The following SUMF1 variants were observed in gnomAD, a reference collection of about 807,000 sequenced individuals.
SUMF1 encodes sulfatase modifying factor 1, also known as formylglycine-generating enzyme.
In SUMF1, 48 loss-of-function variants were observed where a neutral mutation model predicts 47.6. That is an observed-to-expected ratio of 1.01 (90% CI 0.80 to 1.28). SUMF1 has a LOEUF of 1.28. SUMF1 is among the 50% of genes most tolerant of loss of function. The probability of loss-of-function intolerance (pLI) is 0.00; values close to 1 mark genes in which losing one functional copy is unlikely to be tolerated. For synonymous variants in SUMF1, 230 were observed against 192.1 expected (o/e 1.20, Z -1.63); for missense variants, 571 against 485.4 (o/e 1.18, Z -1.66).
intron 8 of SUMF1, among the ~76,000 whole-genome samples, chr3:4,278,824 A>T (rs1697471968): frequency 1.3e-5 from 2 of 152,266 alleles, no homozygotes; most frequent in East Asian, 1.9e-4. Flanking sequence ...TTTATTTATA[A>T]TGGTGGAACA....
chr3:4,142,075 G>A (rs1175015960), intron 8 of SUMF1, among the ~76,000 whole-genome samples: 2 of 152,016 alleles, frequency 1.3e-5, no homozygotes, highest in African/African-American at 2.4e-5. Context: ...GTATCTCCAG[G>A]GTATTCTAAT....
At chr3:4,251,629 A>G (rs565763008) in intron 8 of SUMF1, among the ~76,000 whole-genome samples, 19 of 152,190 alleles carry the variant, frequency 1.2e-4, no homozygotes, top group Admixed American at 7.9e-4. Context: ...AGTGACCTCC[A>G]TCCTGGTGAA....
At chr3:4,313,315 T>C in intron 8 of SUMF1, 1 of 1,614,032 alleles carries the variant, frequency 6.2e-7, no homozygotes, top group Non-Finnish European at 8.5e-7. Flanking sequence ...CGACTCCAAT[T>C]ACATTATAGC....
At chr3:4,364,186 T>C (rs566664988) in intron 8 of SUMF1, among the ~76,000 whole-genome samples, 2 of 142,018 alleles carry the variant, frequency 1.4e-5, no homozygotes, top group South Asian at 2.4e-4. Flanking sequence ...TAAAATTCTC[T>C]TTCTTGGTTG....
At chr3:4,230,581 A>T (rs1212917147) in intron 8 of SUMF1, among the ~76,000 whole-genome samples, 1 of 152,108 alleles carries the variant, frequency 6.6e-6, no homozygotes. Context: ...CCACCTTCCC[A>T]GCACCTCAAC....
chr3:4,198,643 G>A lies in SUMF1; in HGVS notation c.1015-129898C>T, dbSNP rs1574970994. Among the ~76,000 whole-genome samples, 3 of 152,068 alleles carry A rather than the reference G, an allele frequency of 2.0e-5. No individual in the cohort carries two copies. In the South Asian group the frequency reaches 6.2e-4, roughly 32 times the overall value. ...AAAAAGAAGACATTTTAATTAATAT[G>A]CCTCCCTGTAGCTTTGCCTTTCTTC... On this transcript the variant is annotated intron_variant and NMD_transcript_variant, in intron 8 of 12. Transcript: ENST00000448413.
chr3:4,153,788 G>A (rs1402302681), intron 8 of SUMF1, among the ~76,000 whole-genome samples: 1 of 151,338 alleles, frequency 6.6e-6, no homozygotes, highest in Non-Finnish European at 1.5e-5. Flanking sequence ...TGATTGTATA[G>A]AAATTATTGT....
chr3:4,179,240 CA>C (rs1695039050), intron 8 of SUMF1, among the ~76,000 whole-genome samples: 2 of 152,040 alleles, frequency 1.3e-5, no homozygotes, highest in African/African-American at 4.8e-5. Context: ...CAAGCCTAAG[CA>C]AAAAGAACAA....
intron 8 of SUMF1, among the ~76,000 whole-genome samples, chr3:4,218,306 T>TA (rs1307299210): frequency 1.1e-4 from 17 of 152,044 alleles, no homozygotes; most frequent in South Asian, 4.1e-4. Flanking sequence ...TAATATGTAA[T>TA]AAAAAAATGA....
intron 8 of SUMF1, chr3:4,316,603 G>A (rs531154693): frequency 8.6e-5 from 134 of 1,551,262 alleles, no homozygotes; most frequent in East Asian, 8.3e-4. Flanking sequence ...CAAAAAAATC[G>A]TCGTTTTGAA....
At chr3:4,245,505 G>T (rs550538296) in intron 8 of SUMF1, among the ~76,000 whole-genome samples, 1 of 152,252 alleles carries the variant, frequency 6.6e-6, no homozygotes, top group East Asian at 1.9e-4. Flanking sequence ...CTCAGCTGCA[G>T]GTCTGTTGGA....
chr3:4,177,144 A>T (rs559571213), intron 8 of SUMF1, among the ~76,000 whole-genome samples: 66 of 152,308 alleles, frequency 4.3e-4, no homozygotes, highest in Non-Finnish European at 5.7e-4. Flanking sequence ...ACAGAAGGTT[A>T]ACAAGGATAC....
chr3:4,036,809 T>C (rs987497566), intron 9 of SUMF1, among the ~76,000 whole-genome samples: 2 of 148,422 alleles, frequency 1.3e-5, no homozygotes, highest in East Asian at 3.9e-4. Flanking sequence ...AAATTAATTG[T>C]TAGTGTCCAG....
At chr3:4,256,758 G>C (rs373429444) in intron 8 of SUMF1, among the ~76,000 whole-genome samples, 1 of 152,024 alleles carries the variant, frequency 6.6e-6, no homozygotes, top group African/African-American at 2.4e-5. Flanking sequence ...TAACTCATTT[G>C]ATGAGGCCAG....
chr3:4,326,815 C>G (rs894784398), intron 8 of SUMF1, among the ~76,000 whole-genome samples: 2 of 152,100 alleles, frequency 1.3e-5, no homozygotes, highest in African/African-American at 2.4e-5. Context: ...GCCACCATGC[C>G]CAGCCTCCAA....
At chr3:4,339,083 G>A (rs1699215380) in intron 8 of SUMF1, among the ~76,000 whole-genome samples, 1 of 152,104 alleles carries the variant, frequency 6.6e-6, no homozygotes. Context: ...TACTTCCTCA[G>A]CAATATCCCA....
rs1167329520 is a variant in SUMF1 at position 4,367,185 on chromosome 3, A to G, written c.1015-4931T>C. On this transcript the variant is annotated intron_variant, in intron 8 of 8. Coordinates refer to ENST00000272902, the MANE Select transcript of SUMF1 (RefSeq NM_182760.4). ...GGGTCAGGGGTCAGGGACCCACTTG[A>G]GGAGGCAGTCTGCCCATTCTCAGAT... 4.6e-5 allele frequency among the ~76,000 whole-genome samples: 7 copies of G among 152,148 alleles called. No individual in the cohort carries two copies. The East Asian group carries it at 7.7e-4, about 17-fold the overall frequency.
At chr3:4,413,468 G>A (rs986867332) in intron 6 of SUMF1, among the ~76,000 whole-genome samples, 1 of 151,888 alleles carries the variant, frequency 6.6e-6, no homozygotes, top group African/African-American at 2.4e-5. Context: ...GAATGTGGAG[G>A]TCACCACCCC....
Position 4,297,564 on chromosome 3 carries a change from A to ATTTTTT in SUMF1, c.1014+78760_1014+78765dup, listed in dbSNP as rs746612402. ...TACAGCCACAAGCCACTACACCTGA[A>ATTTTTT]TTTTTTTTTTTTTTTTTTTTTGAGA... On this transcript the variant is annotated intron_variant and NMD_transcript_variant, in intron 8 of 12. Transcript: ENST00000448413. 1.2e-4 allele frequency among the ~76,000 whole-genome samples: 14 copies of ATTTTTT among 113,854 alleles called. 1 individual carries two copies. Among genetic ancestry groups the ATTTTTT allele is most frequent in the African/African-American group, 3.5e-4 (10 of 28,658 alleles). 74.7% of individuals were successfully genotyped at this position (113,854 alleles called of 152,430 possible). A position where few individuals can be genotyped will look rare whatever the true frequency, so the allele number is the denominator to read the frequency against.
Sources: allele counts gnomAD v4.1 joint callset (sites outside exome capture counted in the v4.1 genomes callset), GRCh38; gene constraint gnomAD v4.1.1; transcripts MANE v1.5; gene names NCBI Gene and HGNC (gene_info 2026-07-23, HGNC 2026-07-21).